The following COG7 variants were observed in gnomAD, a reference collection of about 807,000 sequenced individuals.
COG7 encodes the protein conserved oligomeric Golgi complex subunit 7.
Under a neutral mutation model 91.5 loss-of-function variants are expected in COG7, and 49 were observed. The ratio of observed to expected loss-of-function variants is 0.54; its 90% CI spans 0.43 to 0.68. COG7 has a LOEUF of 0.68. COG7 is among the 30% of genes least tolerant of loss of function. COG7 has a pLI of 0.00. For missense variants in COG7, 895 were observed against 961.3 expected, an observed-to-expected ratio of 0.93 and a Z score of 0.91; for synonymous variants, 365 against 388.7, an observed-to-expected ratio of 0.94 and a Z score of 0.72.
intron 6 of COG7, among the ~76,000 whole-genome samples, chr16:23,428,281 G>A (rs547176826): frequency 7.2e-5 from 11 of 151,964 alleles, no homozygotes; most frequent in Non-Finnish European, 1.5e-4. Context: ...CCCAGGAGGC[G>A]GAGGTTGCAG....
chr16:23,428,498 T>G (rs866670313), intron 6 of COG7, among the ~76,000 whole-genome samples: 1 of 151,918 alleles, frequency 6.6e-6, no homozygotes, highest in African/African-American at 2.4e-5. Context: ...GAAAAGTTCC[T>G]CAACATCCTT....
At position 23,389,063 on chromosome 16, in the gene COG7, C is replaced by A; in HGVS notation, c.2170G>T (p.Ala724Ser). The change falls in exon 17 of 17, where the codon GCC (alanine) becomes TCC (serine). Residue 724 changes from alanine (A) to serine (S), a missense_variant. Ala to Ser is a moderately conservative substitution (Grantham distance 99, BLOSUM62 1). Coordinates refer to ENST00000307149, the MANE Select transcript of COG7 (RefSeq NM_153603.4). ...DIDYLINVMDALGLQPSRTLQ... is the reference protein window; with the variant it reads ...DIDYLINVMDSLGLQPSRTLQ... Reference sequence around the variant, plus strand: ...GTGCGGGACGGCTGCAGGCCCAGGGCATCCATCACGTTGATCAGATAGTCT... The same window carrying A: ...GTGCGGGACGGCTGCAGGCCCAGGGAATCCATCACGTTGATCAGATAGTCT... The A allele has an allele frequency of 6.2e-7, 1 of 1,614,016 alleles. No homozygotes were observed. The highest frequency in any genetic ancestry group is 1.1e-5 in the South Asian group (1 of 91,068).
chr16:23,397,968 C>G, intron 14 of COG7, 78 bp downstream of exon 14: 1 of 1,276,128 alleles, frequency 7.8e-7, no homozygotes, highest in East Asian at 2.3e-5. Context: ...GGGGAAATGA[C>G]TATAAGGGCA....
chr16:23,444,692 A>T (rs959721722), intron 3 of COG7, among the ~76,000 whole-genome samples: 1 of 151,392 alleles, frequency 6.6e-6, no homozygotes, highest in African/African-American at 2.4e-5. Context: ...TTTTGTAGAG[A>T]CGGGGGTCTC....
At chr16:23,404,229 T>A (rs931950592) in intron 12 of COG7, among the ~76,000 whole-genome samples, 1 of 152,226 alleles carries the variant, frequency 6.6e-6, no homozygotes, top group African/African-American at 2.4e-5. Flanking sequence ...ATCAGAGTGA[T>A]GGACAGAGCC....
intron 7 of COG7, among the ~76,000 whole-genome samples, chr16:23,420,910 ATTTTTTTTTTTT>A (rs72250117): frequency 1.7e-5 from 2 of 118,488 alleles, no homozygotes; most frequent in Admixed American, 1.9e-4. Context: ...TACCTGGCTA[ATTTTTTTTTTTT>A]TTTTTTTTTT....
chr16:23,396,997 C>T (rs879748193), intron 14 of COG7, among the ~76,000 whole-genome samples: 1 of 152,256 alleles, frequency 6.6e-6, no homozygotes, highest in Admixed American at 6.5e-5. Flanking sequence ...GCAGCGTCGA[C>T]CTCCTGGGCT....
intron 13 of COG7, among the ~76,000 whole-genome samples, chr16:23,398,398 G>T (rs1356800609): frequency 6.6e-6 from 1 of 152,228 alleles, no homozygotes; most frequent in Non-Finnish European, 1.5e-5. Context: ...TGAACTGTGG[G>T]GTGGGAACTG....
intron 6 of COG7, 132 bp downstream of exon 6, chr16:23,433,413 T>C (rs1308476174): frequency 2.5e-6 from 3 of 1,224,322 alleles, no homozygotes; most frequent in African/African-American, 3.0e-5. Flanking sequence ...TTTTAACCCC[T>C]TGAATGACAG....
At chr16:23,442,390 C>G in intron 4 of COG7, 87 bp downstream of exon 4, 1 of 1,213,484 alleles carries the variant, frequency 8.2e-7, no homozygotes, top group Non-Finnish European at 1.2e-6. Flanking sequence ...ATTCAATCAC[C>G]ATTAAGACAT....
intron 6 of COG7, among the ~76,000 whole-genome samples, chr16:23,428,676 T>C (rs11861636): frequency 0.29 from 44,384 of 151,030 alleles, 7,511 homozygotes; most frequent in African/African-American, 0.47. Flanking sequence ...CTTTGAGCAA[T>C]GTGGTTGTTT....
chr16:23,445,051 A>G lies in COG7; in HGVS notation c.432T>C (p.Thr144=), dbSNP rs752672906. Residue 144 remains threonine, a synonymous_variant, in exon 3 of 17, where the codon ACT becomes ACC. Coordinates refer to ENST00000307149, the MANE Select transcript of COG7 (RefSeq NM_153603.4). ...ATCCCCTAAACAAGAAACCTACCTGAGTCTTAAATGTCTCCTCAATATCGG... is the reference window on the plus strand; with the variant it reads ...ATCCCCTAAACAAGAAACCTACCTGGGTCTTAAATGTCTCCTCAATATCGG... ...LSADIEETFK[T]QDIAVISAKL... 1 of 1,610,292 alleles carries G rather than the reference A, an allele frequency of 6.2e-7. No homozygotes were observed. The highest frequency in any genetic ancestry group is 1.1e-5 in the South Asian group (1 of 91,000).
At chr16:23,421,127 G>C (rs1037567206) in intron 7 of COG7, among the ~76,000 whole-genome samples, 1 of 151,476 alleles carries the variant, frequency 6.6e-6, no homozygotes, top group Non-Finnish European at 1.5e-5. Flanking sequence ...TTTCTATAAT[G>C]ATAAAGTCAA....
chr16:23,397,383 G>A (rs754987025), intron 14 of COG7, among the ~76,000 whole-genome samples: 16 of 152,142 alleles, frequency 1.1e-4, no homozygotes, highest in Non-Finnish European at 1.8e-4. Flanking sequence ...CCTCTATAGT[G>A]TTTCTTGTGC....
intron 4 of COG7, 32 bp from the exon 5 acceptor site, chr16:23,434,750 C>T: frequency 6.7e-7 from 1 of 1,485,840 alleles, no homozygotes; most frequent in Non-Finnish European, 9.4e-7. Context: ...TATACTGTTA[C>T]CAGCCTTTCT....
intron 1 of COG7, chr16:23,447,407 T>A (rs1329774045): frequency 8.6e-5 from 13 of 150,890 alleles, no homozygotes; most frequent in Non-Finnish European, 1.2e-4. Context: ...GACGGGGTTT[T>A]GCTGTGTAGG....
intron 1 of COG7, among the ~76,000 whole-genome samples, chr16:23,451,996 T>C (rs1964273273): frequency 6.6e-6 from 1 of 152,136 alleles, no homozygotes; most frequent in Non-Finnish European, 1.5e-5. Flanking sequence ...TGCTCCTAGA[T>C]TACAAAAAGT....
chr16:23,449,558 T>C (rs570060751), intron 1 of COG7, among the ~76,000 whole-genome samples: 1 of 149,780 alleles, frequency 6.7e-6, no homozygotes, highest in African/African-American at 2.5e-5. Flanking sequence ...AGCCTGACCA[T>C]CATGTAGAAC....
chr16:23,446,086 C>A, intron 1 of COG7, 125 bp from the exon 2 acceptor site: 2 of 1,199,308 alleles, frequency 1.7e-6, no homozygotes, highest in Non-Finnish European at 2.3e-6. Flanking sequence ...CACGACCAAC[C>A]AAACGGTTTT....
Sources: gnomAD v4.1 joint callset for allele counts (sites outside exome capture counted in the v4.1 genomes callset) on GRCh38, gnomAD v4.1.1 for gene constraint, MANE v1.5 for transcripts, NCBI Gene and HGNC (gene_info 2026-07-23, HGNC 2026-07-21) for gene names.